The following ZNF438 variants were observed in gnomAD, a reference collection of about 807,000 sequenced individuals.
ZNF438 encodes zinc finger protein 438.
ZNF438 carries 25 observed loss-of-function variants against 38.0 expected under a neutral mutation model. That is an observed-to-expected ratio of 0.66 (90% confidence interval 0.48 to 0.92). The LOEUF is 0.92. Ranked by LOEUF, ZNF438 falls within the 40% of genes least tolerant of loss-of-function variation. The pLI, the probability that ZNF438 is intolerant of heterozygous loss-of-function variation, is 0.00. For synonymous variants in ZNF438, 372 were observed against 364.1 expected, an observed-to-expected ratio of 1.02 and a Z score of -0.25; for missense variants, 1,007 against 999.6, an observed-to-expected ratio of 1.01 and a Z score of -0.10.
chr10:30,875,253 C>G (rs1262348699), intron 4 of ZNF438: 1 of 985,294 alleles, frequency 1.0e-6, no homozygotes, highest in African/African-American at 1.7e-5. Flanking sequence ...GCAAAGCAGC[C>G]AAGAGGTGTG....
At chr10:30,910,804 C>T (rs2043005722) in intron 2 of ZNF438, among the ~76,000 whole-genome samples, 1 of 151,034 alleles carries the variant, frequency 6.6e-6, no homozygotes, top group Non-Finnish European at 1.5e-5. Context: ...TTCTGTGGTT[C>T]CTAGGCCAAT....
At chr10:30,989,058 G>A (rs531171550) in intron 1 of ZNF438, among the ~76,000 whole-genome samples, 24 of 152,176 alleles carry the variant, frequency 1.6e-4, no homozygotes, top group African/African-American at 5.5e-4. Context: ...ACATCAAGAT[G>A]GTAACATAGA....
intron 1 of ZNF438, among the ~76,000 whole-genome samples, chr10:31,013,080 G>A (rs932584822): frequency 4.6e-5 from 7 of 152,188 alleles, no homozygotes; most frequent in Admixed American, 3.9e-4. Context: ...AGCACTTTGG[G>A]AGGCCGAGGC....
chr10:30,893,667 T>C (rs1200208092), intron 3 of ZNF438, among the ~76,000 whole-genome samples: 2 of 152,232 alleles, frequency 1.3e-5, no homozygotes, highest in Admixed American at 6.5e-5. Flanking sequence ...ACTGAGGTGC[T>C]ACCAGCTGAG....
chr10:31,008,505 T>C (rs2055364537), intron 1 of ZNF438, among the ~76,000 whole-genome samples: 1 of 152,204 alleles, frequency 6.6e-6, no homozygotes, highest in Non-Finnish European at 1.5e-5. Context: ...TGGCCTACCT[T>C]GCACATTTCA....
chr10:30,925,344 G>A (rs146023252), intron 2 of ZNF438, among the ~76,000 whole-genome samples: 100 of 152,282 alleles, frequency 6.6e-4, no homozygotes, highest in Non-Finnish European at 1.2e-3. Flanking sequence ...ATCTGGGGAA[G>A]ATTACTTGCT....
At chr10:30,963,603 G>A (rs775919245) in intron 1 of ZNF438, among the ~76,000 whole-genome samples, 1 of 152,174 alleles carries the variant, frequency 6.6e-6, no homozygotes, top group East Asian at 1.9e-4. Flanking sequence ...GCCAGGCCCT[G>A]TGGCTCACGC....
intron 2 of ZNF438, among the ~76,000 whole-genome samples, chr10:30,921,843 G>A (rs2044331271): frequency 1.3e-5 from 2 of 152,044 alleles, no homozygotes; most frequent in South Asian, 4.2e-4. Context: ...TCCCAATACC[G>A]ATCTTTCTGA....
chr10:31,024,483 C>A lies in ZNF438; in HGVS notation c.-192+7350G>T, dbSNP rs369739997. Among the ~76,000 whole-genome samples the A allele has an allele frequency of 2.0e-4, 31 of 152,276 alleles. No individual in the cohort carries two copies. The East Asian group carries it at 6.0e-3, about 29-fold the overall frequency. On this transcript the variant is annotated intron_variant, in intron 1 of 5. Coordinates refer to ENST00000413025, the Ensembl canonical transcript of ZNF438. ...CTACTAAAAAAATACAAAAAATTAG[C>A]CGGGCTTGGTGGCGGGTGCCTGCAG... is the stretch of plus-strand genomic sequence containing the variant.
chr10:30,945,024 C>A (rs1331905273), intron 1 of ZNF438, among the ~76,000 whole-genome samples: 1 of 147,210 alleles, frequency 6.8e-6, no homozygotes. Context: ...TGATTTTTTT[C>A]TACTTTACAG....
chr10:30,901,813 G>C (rs191661900), intron 3 of ZNF438, among the ~76,000 whole-genome samples: 1 of 152,128 alleles, frequency 6.6e-6, no homozygotes, highest in African/African-American at 2.4e-5. Context: ...TCTTAAAGGC[G>C]GTGTGTCTGG....
chr10:30,856,334 T>C (rs529554493), intron 4 of ZNF438, among the ~76,000 whole-genome samples: 1 of 152,328 alleles, frequency 6.6e-6, no homozygotes, highest in South Asian at 2.1e-4. Context: ...ATAAGGCAAT[T>C]TGCAATAAAG....
chr10:30,937,572 A>G (rs1483826611), intron 2 of ZNF438, among the ~76,000 whole-genome samples: 1 of 152,200 alleles, frequency 6.6e-6, no homozygotes, highest in East Asian at 1.9e-4. Context: ...GTCTCCTTCC[A>G]TTAAATGCAA....
intron 3 of ZNF438, among the ~76,000 whole-genome samples, chr10:30,897,024 T>C (rs2041437158): frequency 6.6e-6 from 1 of 152,118 alleles, no homozygotes; most frequent in Non-Finnish European, 1.5e-5. Flanking sequence ...TAAAGAAAAA[T>C]GATAAAACTA....
At chr10:30,996,066 AAC>A (rs1481275297) in intron 1 of ZNF438, among the ~76,000 whole-genome samples, 2 of 152,178 alleles carry the variant, frequency 1.3e-5, no homozygotes, top group Admixed American at 1.3e-4. Context: ...GTACACTGTA[AAC>A]CCTGGAGCAA....
intron 1 of ZNF438, among the ~76,000 whole-genome samples, chr10:30,946,450 C>A (rs2047420720): frequency 6.6e-6 from 1 of 152,062 alleles, no homozygotes; most frequent in Non-Finnish European, 1.5e-5. Flanking sequence ...ACTCATCTGA[C>A]AAAGGGCTAA....
intron 1 of ZNF438, among the ~76,000 whole-genome samples, chr10:31,003,970 T>C (rs1038855752): frequency 2.6e-5 from 4 of 152,172 alleles, no homozygotes; most frequent in African/African-American, 7.2e-5. Context: ...AAATTTGCAA[T>C]GCCTAGGAGA....
intron 2 of ZNF438, among the ~76,000 whole-genome samples, chr10:30,934,219 G>C (rs1423355689): frequency 6.6e-6 from 1 of 151,924 alleles, no homozygotes; most frequent in Non-Finnish European, 1.5e-5. Context: ...GATGTACCGA[G>C]TTGGCAGATG....
intron 5 of ZNF438, among the ~76,000 whole-genome samples, chr10:30,847,871 T>G (rs2032620087): frequency 6.6e-6 from 1 of 152,220 alleles, no homozygotes; most frequent in African/African-American, 2.4e-5. Flanking sequence ...CTCACCACTC[T>G]GTGCCTGGCT....
Sources: gnomAD v4.1 joint callset for allele counts (sites outside exome capture counted in the v4.1 genomes callset) on GRCh38, gnomAD v4.1.1 for gene constraint, MANE v1.5 for transcripts, NCBI Gene and HGNC (gene_info 2026-07-23, HGNC 2026-07-21) for gene names.